The following NBPF4 variants were observed in gnomAD, a reference collection of about 807,000 sequenced individuals.
The protein encoded by NBPF4 is NBPF member 4.
NBPF4 carries 11 observed loss-of-function variants against 21.1 expected under a neutral mutation model. The observed-to-expected ratio is 0.52, with a 90% CI of 0.33 to 0.86. NBPF4 has a LOEUF of 0.86. Among genes scored for constraint, NBPF4 ranks in the 40% least tolerant of loss-of-function variants. The pLI is 0.03. For synonymous variants in NBPF4, 47 were observed against 106.4 expected (o/e 0.44, Z 3.43); for missense variants, 88 against 265.3 (o/e 0.33, Z 4.64).
At position 108,226,310 on chromosome 1, in the gene NBPF4, T is replaced by C. The variant is rs533083467; in HGVS notation, c.1875+369A>G. On this transcript the variant is annotated intron_variant, in intron 14 of 14. Coordinates refer to ENST00000415641, the MANE Select transcript of NBPF4 (RefSeq NM_001143989.3). ...ACTTCTGCAGAAAGAGGCAATGGAG[T>C]TGGGGATGCAGCAAGGAAAGGTAAA... 1.4e-4 allele frequency among the ~76,000 whole-genome samples: 21 copies of C among 151,020 alleles called. 1 individual carries two copies. Among genetic ancestry groups the C allele is most frequent in the Non-Finnish European group, 2.4e-4 (16 of 67,856 alleles).
chr1:108,234,774 G>A (rs1434399758), intron 9 of NBPF4, among the ~76,000 whole-genome samples: 2 of 67,260 alleles, frequency 3.0e-5, no homozygotes, highest in Non-Finnish European at 5.3e-5. Context: ...TATGTGTAGT[G>A]GCCAAGTAAA....
chr1:108,257,457 C>T, the NBPF4 span, among the ~76,000 whole-genome samples: 1 of 151,260 alleles, frequency 6.6e-6, no homozygotes, highest in Non-Finnish European at 1.5e-5. Flanking sequence ...TTCAACCTAA[C>T]TGTATTTTTG....
At position 108,222,623 on chromosome 1, in the gene NBPF4, G is replaced by A. The variant is rs1344203268; in HGVS notation, c.*1082C>T. On this transcript the variant is annotated 3_prime_UTR_variant, in exon 15 of 15. Transcript: ENST00000415641. Reference sequence around the variant, plus strand: ...AAATTAAAATTAATTTTGGATGAAAGTTAAAATTTGGGCAGGGAATGATCT... The same window carrying A: ...AAATTAAAATTAATTTTGGATGAAAATTAAAATTTGGGCAGGGAATGATCT... Among the ~76,000 whole-genome samples, 1 of 152,162 alleles carries A rather than the reference G, an allele frequency of 6.6e-6. No individual in the cohort carries two copies. The highest frequency in any genetic ancestry group is 1.5e-5 in the Non-Finnish European group (1 of 68,038).
the NBPF4 span, among the ~76,000 whole-genome samples, chr1:108,265,936 AT>A: frequency 1.3e-5 from 1 of 77,236 alleles, no homozygotes; most frequent in South Asian, 5.5e-4. Flanking sequence ...GATATACCTA[AT>A]GCTAAATGAC....
At chr1:108,234,967 A>G (rs1315532686) in intron 9 of NBPF4, among the ~76,000 whole-genome samples, 1 of 76,024 alleles carries the variant, frequency 1.3e-5, no homozygotes, top group African/African-American at 6.2e-5. Context: ...GGTTGACACC[A>G]TAAGAAGAGT....
upstream of NBPF4, among the ~76,000 whole-genome samples, chr1:108,248,011 G>T (rs1299575064): frequency 3.3e-5 from 5 of 151,956 alleles, no homozygotes; most frequent in African/African-American, 7.3e-5. Flanking sequence ...TAGAGACAAG[G>T]TCTTGCTGTG....
At chr1:108,227,186 G>A (rs1350398587) in intron 13 of NBPF4, among the ~76,000 whole-genome samples, 1 of 144,908 alleles carries the variant, frequency 6.9e-6, no homozygotes, top group African/African-American at 2.6e-5. Flanking sequence ...CAAAGGCAAG[G>A]AAATAACACT....
At chr1:108,245,070 A>G (rs1237989263), upstream of NBPF4, among the ~76,000 whole-genome samples, 1 of 78,528 alleles carries the variant, frequency 1.3e-5, no homozygotes, top group Non-Finnish European at 2.6e-5. Flanking sequence ...TGTGCAGTAG[A>G]AGGTGAGTTT....
At chr1:108,248,057 A>T (rs1259222152), upstream of NBPF4, among the ~76,000 whole-genome samples, 2 of 152,038 alleles carry the variant, frequency 1.3e-5, no homozygotes, top group Non-Finnish European at 2.9e-5. Flanking sequence ...TTCACTCAAG[A>T]ACTTTTTATT....
At chr1:108,228,645 T>C (rs1321045208) in intron 13 of NBPF4, among the ~76,000 whole-genome samples, 1 of 151,868 alleles carries the variant, frequency 6.6e-6, no homozygotes, top group African/African-American at 2.4e-5. Context: ...GTAGATATTA[T>C]TCTTCAGGTA....
In NBPF4 at chr1:108,223,560, A is replaced by G. The variant is rs1033514306; in HGVS notation, c.*145T>C. 8.4e-6 allele frequency: 6 copies of G among 716,590 alleles called. No individual in the cohort carries two copies. The Admixed American group carries it at 1.4e-4, about 17-fold the overall frequency. 44.4% of individuals were successfully genotyped at this position (716,590 alleles called of 1,614,324 possible). A position where few individuals can be genotyped will look rare whatever the true frequency, so the allele number is the denominator to read the frequency against. The stretch of plus-strand genomic sequence containing the variant: ...GTGGCTTCTCAAATCAAAGGAGCAT[A>G]GTGGCTTGAAGTCATCAAGAGTATT... On this transcript the variant is annotated 3_prime_UTR_variant, in exon 15 of 15. Coordinates refer to ENST00000415641, the MANE Select transcript of NBPF4 (RefSeq NM_001143989.3).
upstream of NBPF4, among the ~76,000 whole-genome samples, chr1:108,246,242 T>A (rs577586663): frequency 2.9e-3 from 367 of 126,240 alleles, 64 homozygotes; most frequent in Admixed American, 6.1e-3. Context: ...CTTCCTTCAC[T>A]TCCACATGAA....
At chr1:108,243,864 CTG>C (rs1240153675) in intron 1 of NBPF4, 33 bp downstream of exon 1, 1 of 991,736 alleles carries the variant, frequency 1.0e-6, no homozygotes, top group Non-Finnish European at 1.3e-6. Context: ...TTAATCAGGA[CTG>C]AGAGATGACA....
At chr1:108,247,717 AAAACAAAC>A (rs552779874), upstream of NBPF4, among the ~76,000 whole-genome samples, 2 of 150,492 alleles carry the variant, frequency 1.3e-5, no homozygotes, top group African/African-American at 2.5e-5. Flanking sequence ...ATTAAAAAAC[AAAACAAAC>A]AAACAAACAA....
chr1:108,244,929 TATATATATATATATATATACAC>T (rs1473811443), upstream of NBPF4, among the ~76,000 whole-genome samples: 18 of 49,396 alleles, frequency 3.6e-4, 3 homozygotes, highest in African/African-American at 1.2e-3. Context: ...TATATATATA[TATATATATATATATATATACAC>T]ACACATATAG....
chr1:108,223,801 G>A, intron 14 of NBPF4, 55 bp from the exon 15 acceptor site: 1 of 1,427,058 alleles, frequency 7.0e-7, no homozygotes, highest in Admixed American at 2.2e-5. Context: ...AGGTCCACCT[G>A]ATGGCTGAGT....
intron 13 of NBPF4, 67 bp downstream of exon 13, chr1:108,228,853 C>T (rs1426574526): frequency 1.1e-6 from 1 of 925,868 alleles, no homozygotes; most frequent in African/African-American, 1.6e-5. Flanking sequence ...TTCTCTCCTC[C>T]ACCCACAGCA....
At chr1:108,266,145 GT>G in the NBPF4 span, among the ~76,000 whole-genome samples, 1 of 143,230 alleles carries the variant, frequency 7.0e-6, no homozygotes, top group African/African-American at 2.7e-5. Flanking sequence ...CTAGGAGCTG[GT>G]TTTTTGGAAA....
At chr1:108,268,408 G>A in the NBPF4 span, among the ~76,000 whole-genome samples, 2 of 152,184 alleles carry the variant, frequency 1.3e-5, no homozygotes, top group Admixed American at 6.5e-5. Flanking sequence ...ATAAAAACTG[G>A]AGGGGATGTT....
Sources: gnomAD v4.1 joint callset for allele counts (sites outside exome capture counted in the v4.1 genomes callset) on GRCh38, gnomAD v4.1.1 for gene constraint, MANE v1.5 for transcripts, NCBI Gene and HGNC (gene_info 2026-07-23, HGNC 2026-07-21) for gene names.